ELAPOR2: variants seen among roughly 807,000 people sequenced by gnomAD.
ELAPOR2 encodes the protein endosome/lysosome-associated apoptosis and autophagy regulator family member 2.
Under a neutral mutation model 120.7 loss-of-function variants are expected in ELAPOR2, and 89 were observed. That is an observed-to-expected ratio of 0.74 (90% CI 0.62 to 0.88). The LOEUF (loss-of-function observed/expected upper bound fraction) is 0.88, where lower values mean the gene tolerates loss of function less well. Among genes scored for constraint, ELAPOR2 ranks in the 40% least tolerant of loss-of-function variants. ELAPOR2 has a pLI of 0.00. For missense variants in ELAPOR2, 1,134 were observed against 1,251.6 expected (o/e 0.91, Z 1.42); for synonymous variants, 444 against 444.9 (o/e 1.00, Z 0.03).
intron 1 of ELAPOR2, among the ~76,000 whole-genome samples, chr7:87,036,083 C>G (rs1224968679): frequency 6.6e-6 from 1 of 152,214 alleles, no homozygotes; most frequent in Non-Finnish European, 1.5e-5. Flanking sequence ...CATTAATAAT[C>G]TTAGTATACA....
chr7:86,965,419 G>C (rs1232260853), intron 1 of ELAPOR2, among the ~76,000 whole-genome samples: 1 of 152,152 alleles, frequency 6.6e-6, no homozygotes, highest in African/African-American at 2.4e-5. Flanking sequence ...TTCAAAGAAA[G>C]AAACAAGAGA....
Position 86,947,862 on chromosome 7 carries a change from C to A in ELAPOR2, c.371G>T (p.Gly124Val). The A allele has an allele frequency of 6.4e-7, 1 of 1,552,194 alleles. No homozygotes were observed. The highest frequency in any genetic ancestry group is 8.7e-7 in the Non-Finnish European group (1 of 1,147,084). The change falls in exon 3 of 22, where the codon GGT (glycine) becomes GTT (valine). Residue 124 changes from glycine to valine, a missense_variant. Gly to Val is a moderately radical substitution (Grantham distance 109). Transcript: ENST00000450689. The part of the protein sequence containing the change: ...EMKNQVCSKC[G>V]EGTYSLGSGI... Reference sequence around the variant, plus strand: ...ACTGCCCAAGGAATAGGTGCCTTCACCACACTTACTGCATACCTGGTTCTT... The same window carrying A: ...ACTGCCCAAGGAATAGGTGCCTTCAACACACTTACTGCATACCTGGTTCTT...
chr7:86,899,167 A>G (rs964343538), intron 18 of ELAPOR2, among the ~76,000 whole-genome samples: 1 of 152,152 alleles, frequency 6.6e-6, no homozygotes, highest in Non-Finnish European at 1.5e-5. Context: ...GGGTGTGCCC[A>G]TTACCTCAGC....
chr7:87,030,113 A>T (rs959285966), intron 1 of ELAPOR2, among the ~76,000 whole-genome samples: 20 of 152,136 alleles, frequency 1.3e-4, no homozygotes, highest in Non-Finnish European at 2.5e-4. Context: ...ATAGCTGAAA[A>T]TTTCAGGTTA....
chr7:86,919,787 T>C (rs1199351884), intron 10 of ELAPOR2: 1 of 152,826 alleles, frequency 6.5e-6, no homozygotes, highest in East Asian at 1.9e-4. Flanking sequence ...ATTTACTGAG[T>C]GCCAAGAACT....
At chr7:86,911,705 C>T (rs1162677345) in intron 15 of ELAPOR2, 2 of 464,684 alleles carry the variant, frequency 4.3e-6, no homozygotes, top group African/African-American at 2.0e-5. Context: ...TCTTAAAACA[C>T]AAAATTGACA....
intron 1 of ELAPOR2, among the ~76,000 whole-genome samples, chr7:87,029,449 G>C (rs578161929): frequency 6.6e-6 from 1 of 152,292 alleles, no homozygotes; most frequent in African/African-American, 2.4e-5. Flanking sequence ...GCCAGATTGA[G>C]AGCTACTTCA....
At chr7:87,010,118 T>C (rs9886283) in intron 1 of ELAPOR2, among the ~76,000 whole-genome samples, 57,519 of 152,072 alleles carry the variant, frequency 0.38, 11,722 homozygotes, top group African/African-American at 0.53. Context: ...TTACATTTAA[T>C]ATTTCCTACA....
At chr7:86,998,635 G>A (rs750779213) in intron 1 of ELAPOR2, among the ~76,000 whole-genome samples, 4 of 152,108 alleles carry the variant, frequency 2.6e-5, no homozygotes, top group East Asian at 1.9e-4. Flanking sequence ...ATTTCACCCC[G>A]GTCATGACAA....
chr7:86,925,689 T>C, intron 9 of ELAPOR2, 33 bp from the exon 10 acceptor site: 3 of 1,601,868 alleles, frequency 1.9e-6, no homozygotes, highest in Non-Finnish European at 2.6e-6. Context: ...ACAATTAAAA[T>C]TAAACTGCAT....
chr7:87,021,774 C>G (rs1794048073), intron 1 of ELAPOR2, among the ~76,000 whole-genome samples: 1 of 152,152 alleles, frequency 6.6e-6, no homozygotes, highest in African/African-American at 2.4e-5. Flanking sequence ...AGAACAAAGT[C>G]TATCTTACAA....
At chr7:86,966,023 G>C (rs1407117701) in intron 1 of ELAPOR2, 47 of 892,626 alleles carry the variant, frequency 5.3e-5, no homozygotes, top group Admixed American at 6.2e-5. Context: ...TTGCAATCTA[G>C]ATAAGCTGAG....
intron 1 of ELAPOR2, among the ~76,000 whole-genome samples, chr7:87,018,695 T>C (rs1333678078): frequency 6.6e-6 from 1 of 152,166 alleles, no homozygotes; most frequent in Admixed American, 6.5e-5. Flanking sequence ...ATGAATGAGT[T>C]TGGACTCAAG....
chr7:86,962,193 G>A (rs1181874819), intron 2 of ELAPOR2, among the ~76,000 whole-genome samples: 1 of 152,086 alleles, frequency 6.6e-6, no homozygotes, highest in African/African-American at 2.4e-5. Flanking sequence ...TCAATTATCT[G>A]AAAAAATTTC....
chr7:87,032,746 C>A (rs1393433360), intron 1 of ELAPOR2, among the ~76,000 whole-genome samples: 1 of 152,086 alleles, frequency 6.6e-6, no homozygotes, highest in Non-Finnish European at 1.5e-5. Flanking sequence ...GAATGAGATC[C>A]TCAAAGTTCA....
At chr7:87,025,922 T>C (rs1418830050) in intron 1 of ELAPOR2, among the ~76,000 whole-genome samples, 2 of 152,128 alleles carry the variant, frequency 1.3e-5, no homozygotes, top group East Asian at 3.8e-4. Flanking sequence ...TGTATATTTC[T>C]GGCAGGCCAA....
intron 1 of ELAPOR2, among the ~76,000 whole-genome samples, chr7:87,010,384 T>C (rs375696313): frequency 4.3e-4 from 65 of 152,282 alleles, no homozygotes; most frequent in African/African-American, 1.3e-3. Context: ...TTCATCAGTG[T>C]TCATATTAAC....
intron 10 of ELAPOR2, among the ~76,000 whole-genome samples, chr7:86,921,501 G>A (rs1789827032): frequency 6.6e-6 from 1 of 151,954 alleles, no homozygotes; most frequent in Non-Finnish European, 1.5e-5. Context: ...AGGCAAGAAG[G>A]GATATTCCCC....
intron 1 of ELAPOR2, among the ~76,000 whole-genome samples, chr7:87,036,289 C>A (rs1794585351): frequency 6.6e-6 from 1 of 152,100 alleles, no homozygotes; most frequent in African/African-American, 2.4e-5. Context: ...GCCTGGGCAA[C>A]AGGGTGAAAC....
Sources: allele counts gnomAD v4.1 joint callset (sites outside exome capture counted in the v4.1 genomes callset), GRCh38; gene constraint gnomAD v4.1.1; transcripts MANE v1.5; gene names NCBI Gene and HGNC (gene_info 2026-07-23, HGNC 2026-07-21).